The following LRAT variants were observed in gnomAD, a reference collection of about 807,000 sequenced individuals.
LRAT encodes the protein lecithin retinol acyltransferase.
LRAT carries 11 observed loss-of-function variants against 14.2 expected under a neutral mutation model. That is an observed-to-expected ratio of 0.78 (90% CI 0.49 to 1.29). The LOEUF (loss-of-function observed/expected upper bound fraction) is 1.29. Ranked by LOEUF, LRAT falls within the 50% of genes most tolerant of loss-of-function variation. The pLI is 0.00. For missense variants in LRAT, 274 were observed against 292.4 expected, an observed-to-expected ratio of 0.94 and a Z score of 0.46; for synonymous variants, 144 against 124.8, an observed-to-expected ratio of 1.15 and a Z score of -1.03.
In LRAT at chr4:154,750,977, T is replaced by A. The variant is rs1732978571; in HGVS notation, c.*1841T>A. 6.6e-6 allele frequency: 1 copy of A among 152,240 alleles called. No homozygotes were observed. Among genetic ancestry groups the A allele is most frequent in the Admixed American group, 6.5e-5 (1 of 15,286 alleles). 9.4% of individuals were successfully genotyped at this position (152,240 alleles called of 1,614,324 possible). ...CCCTCATTAAAAGCCAAGGACGTTC[T>A]TAAGATTGGAACTGACATAATTAGT... On this transcript the variant is annotated 3_prime_UTR_variant, in exon 3 of 3. Coordinates refer to ENST00000336356, the MANE Select transcript of LRAT (RefSeq NM_004744.5).
At position 154,752,160 on chromosome 4, in the gene LRAT, C is replaced by T. The variant is rs1733010564; in HGVS notation, c.*3024C>T. The T allele has an allele frequency of 6.6e-6, 1 of 152,170 alleles. No individual in the cohort carries two copies. Among genetic ancestry groups the T allele is most frequent in the Non-Finnish European group, 1.5e-5 (1 of 68,036 alleles). The allele number at this position is 152,170 out of a possible 1,614,324, so 9.4% of individuals were successfully genotyped here. Reference sequence around the variant, plus strand: ...CTGACTGAAGGAACAGAAAGTGAGACAGACAGATATGACCAAATTTATACA... The same window carrying T: ...CTGACTGAAGGAACAGAAAGTGAGATAGACAGATATGACCAAATTTATACA... On this transcript the variant is annotated 3_prime_UTR_variant, in exon 3 of 3. Coordinates refer to ENST00000336356, the MANE Select transcript of LRAT (RefSeq NM_004744.5).
intron 2 of LRAT, 65 bp downstream of exon 2, chr4:154,744,931 T>G: frequency 6.5e-7 from 1 of 1,533,022 alleles, no homozygotes; most frequent in Non-Finnish European, 9.0e-7. Context: ...CCCTGACCTT[T>G]TCTCTTCCCC....
In LRAT at chr4:154,744,844, C is replaced by T. The variant is rs1448665709; in HGVS notation, c.518C>T (p.Pro173Leu). 5.6e-6 allele frequency: 9 copies of T among 1,613,432 alleles called. No individual in the cohort carries two copies. Among genetic ancestry groups the T allele is most frequent in the Non-Finnish European group, 7.6e-6 (9 of 1,179,992 alleles). Reference protein sequence around the residue: ...HFVTYCRYGTPISPQSDKFCE... With the variant: ...HFVTYCRYGTLISPQSDKFCE... ...GTGACCTACTGCAGATATGGCACCC[C>T]GATCAGTCCCCAGTCCGACAAGGTA... Residue 173 changes from proline to leucine, a missense_variant, in exon 2 of 3, where the codon CCG becomes CTG. Coordinates refer to ENST00000336356, the MANE Select transcript of LRAT (RefSeq NM_004744.5).
Position 154,750,379 on chromosome 4 carries a change from A to G in LRAT, c.*1243A>G, listed in dbSNP as rs1195103434. ...TAAGAATTGAGATATAACAATGGTAAAACAAGCATTCAAGCACTTTTACAA... is the reference window on the plus strand; with the variant it reads ...TAAGAATTGAGATATAACAATGGTAGAACAAGCATTCAAGCACTTTTACAA... On this transcript the variant is annotated 3_prime_UTR_variant, in exon 3 of 3. Coordinates refer to ENST00000336356, the MANE Select transcript of LRAT (RefSeq NM_004744.5). 6.6e-6 allele frequency: 1 copy of G among 152,184 alleles called. No homozygotes were observed. The highest frequency in any genetic ancestry group is 2.4e-5 in the African/African-American group (1 of 41,454). 9.4% of individuals were successfully genotyped at this position (152,184 alleles called of 1,614,324 possible).
chr4:154,743,214 G>C (rs928932176), upstream of LRAT, among the ~76,000 whole-genome samples: 1 of 151,210 alleles, frequency 6.6e-6, no homozygotes, highest in Non-Finnish European at 1.5e-5. Context: ...GGCTGGGCGC[G>C]GTGGCTCACG....
rs17031981 is a variant in LRAT at position 154,744,668 on chromosome 4, G to C, written c.342G>C (p.Glu114Asp). The change falls in exon 2 of 3, where the codon GAG becomes GAC. Residue 114 changes from glutamate to aspartate, a missense_variant. Transcript: ENST00000336356. ...KVASIRVDTV[E>D]DFAYGANILV... The stretch of plus-strand genomic sequence containing the variant: ...CCAGCATCCGCGTGGACACAGTGGA[G>C]GACTTCGCCTACGGAGCTAACATCC... 3 of 1,614,022 alleles carry C rather than the reference G, an allele frequency of 1.9e-6. No homozygotes were observed. The highest frequency in any genetic ancestry group is 1.7e-6 in the Non-Finnish European group (2 of 1,180,042).
At chr4:154,743,994 A>C, upstream of LRAT, 1 of 310,870 alleles carries the variant, frequency 3.2e-6, no homozygotes, top group Non-Finnish European at 6.1e-6. Flanking sequence ...CGAAGCCTGC[A>C]CCTCCGAGCA....
intron 2 of LRAT, 114 bp downstream of exon 2, chr4:154,744,980 C>A: frequency 9.2e-6 from 7 of 760,944 alleles, no homozygotes; most frequent in Non-Finnish European, 1.6e-5. Context: ...TCCCCTACCA[C>A]TTCCATACCA....
rs144754979 is a variant in LRAT, at chr4:154,749,054, C to T, written c.611C>T (p.Ala204Val). 284 of 1,613,596 alleles carry T rather than the reference C, an allele frequency of 1.8e-4. 1 individual carries two copies. The African/African-American group carries it at 2.8e-3, about 16-fold the overall frequency. Residue 204 changes from alanine (A) to valine (V), a missense_variant, in exon 3 of 3, where the codon GCG becomes GTG. Transcript: ENST00000336356. ...SVLASAVLGLASIVCTGLVSY... is the reference protein window; with the variant it reads ...SVLASAVLGLVSIVCTGLVSY... ...CTTGCTTCAGCAGTCTTGGGATTGG[C>T]GTCTATAGTCTGTACGGGCTTGGTA...
In LRAT at chr4:154,749,868, A is replaced by C. The variant is rs1350666948; in HGVS notation, c.*732A>C. On this transcript the variant is annotated 3_prime_UTR_variant, in exon 3 of 3. Transcript: ENST00000336356. The stretch of plus-strand genomic sequence containing the variant: ...TTTTATGTGCCACTGTGGCTACTTT[A>C]AATCACTCTGAGAGGTAAATGGATA... 1 of 152,296 alleles carries C rather than the reference A, an allele frequency of 6.6e-6. No homozygotes were observed. Among genetic ancestry groups the C allele is most frequent in the Non-Finnish European group, 1.5e-5 (1 of 68,122 alleles). 9.4% of individuals were successfully genotyped at this position (152,296 alleles called of 1,614,324 possible).
chr4:154,752,670 T>G lies in LRAT; in HGVS notation c.*3534T>G, dbSNP rs1050780814. 1 of 152,196 alleles carries G rather than the reference T, an allele frequency of 6.6e-6. No individual in the cohort carries two copies. Among genetic ancestry groups the G allele is most frequent in the African/African-American group, 2.4e-5 (1 of 41,456 alleles). The allele number at this position is 152,196 out of a possible 1,614,324, so 9.4% of individuals were successfully genotyped here. A position where few individuals can be genotyped will look rare whatever the true frequency, so the allele number is the denominator to read the frequency against. ...CAGACTTTAGCAAAATCCTTTTATT[T>G]GATTCATGCATAACTCCTGATGGAG... On this transcript the variant is annotated 3_prime_UTR_variant, in exon 3 of 3. Coordinates refer to ENST00000336356, the MANE Select transcript of LRAT (RefSeq NM_004744.5).
At chr4:154,747,128 C>T (rs933517120) in intron 2 of LRAT, among the ~76,000 whole-genome samples, 1 of 152,016 alleles carries the variant, frequency 6.6e-6, no homozygotes, top group South Asian at 2.1e-4. Context: ...ACAAAGTTGC[C>T]TCTTACTTAA....
In LRAT at chr4:154,744,054, G is replaced by T. The variant is rs899108738; in HGVS notation, c.-170G>T. ...CGGCCCCCAGGTGCGCTCCTTCTCC[G>T]GCTGCTTGTAGCACTGGTCTCACTG... On this transcript the variant is annotated 5_prime_UTR_variant, in exon 1 of 3. Transcript: ENST00000336356. 54 of 505,102 alleles carry T rather than the reference G, an allele frequency of 1.1e-4. No homozygotes were observed. The highest frequency in any genetic ancestry group is 9.1e-4 in the African/African-American group (47 of 51,816). 31.3% of individuals were successfully genotyped at this position (505,102 alleles called of 1,614,324 possible).
At position 154,749,297 on chromosome 4, in the gene LRAT, C is replaced by A; in HGVS notation, c.*161C>A. 1.3e-6 allele frequency: 1 copy of A among 775,728 alleles called. No individual in the cohort carries two copies. 48.1% of individuals were successfully genotyped at this position (775,728 alleles called of 1,614,324 possible). On this transcript the variant is annotated 3_prime_UTR_variant, in exon 3 of 3. Coordinates refer to ENST00000336356, the MANE Select transcript of LRAT (RefSeq NM_004744.5). ...CACGCAAAGTGCTTACTGTGTAAGCCCAAGAACAAAGGCTTTCTGAATCTT... is the reference window on the plus strand; with the variant it reads ...CACGCAAAGTGCTTACTGTGTAAGCACAAGAACAAAGGCTTTCTGAATCTT...
rs1732983746 is a variant in LRAT at position 154,751,264 on chromosome 4, T to C, written c.*2128T>C. 6.6e-6 allele frequency: 1 copy of C among 152,244 alleles called. No individual in the cohort carries two copies. Among genetic ancestry groups the C allele is most frequent in the East Asian group, 1.9e-4 (1 of 5,202 alleles). 9.4% of individuals were successfully genotyped at this position (152,244 alleles called of 1,614,324 possible). A position where few individuals can be genotyped will look rare whatever the true frequency, so the allele number is the denominator to read the frequency against. On this transcript the variant is annotated 3_prime_UTR_variant, in exon 3 of 3. Transcript: ENST00000336356. ...GTGTGAGGTGATCTTATCACACTGA[T>C]GTGTTCAACTGTTTATGGGAAAAGG...
Position 154,752,612 on chromosome 4 carries a change from G to C in LRAT, c.*3476G>C. On this transcript the variant is annotated 3_prime_UTR_variant, in exon 3 of 3. Coordinates refer to ENST00000336356, the MANE Select transcript of LRAT (RefSeq NM_004744.5). ...AAAAAAAAAGGATCTGTATTCGTGAGAGTAGAGAGAAAGGTTGTTTAGGAA... is the reference window on the plus strand; with the variant it reads ...AAAAAAAAAGGATCTGTATTCGTGACAGTAGAGAGAAAGGTTGTTTAGGAA... 1 of 152,194 alleles carries C rather than the reference G, an allele frequency of 6.6e-6. No homozygotes were observed. The highest frequency in any genetic ancestry group is 1.5e-5 in the Non-Finnish European group (1 of 68,034). 9.4% of individuals were successfully genotyped at this position (152,194 alleles called of 1,614,324 possible).
Position 154,751,529 on chromosome 4 carries a change from G to C in LRAT, c.*2393G>C, listed in dbSNP as rs984015805. Reference sequence around the variant, plus strand: ...AGGAGGGAGGATCACAAGGTCAGGAGATCGAGACCATCCTGGCTAACACGG... The same window carrying C: ...AGGAGGGAGGATCACAAGGTCAGGACATCGAGACCATCCTGGCTAACACGG... On this transcript the variant is annotated 3_prime_UTR_variant, in exon 3 of 3. Transcript: ENST00000336356. 1 of 152,186 alleles carries C rather than the reference G, an allele frequency of 6.6e-6. No homozygotes were observed. The highest frequency in any genetic ancestry group is 6.5e-5 in the Admixed American group (1 of 15,270). The allele number at this position is 152,186 out of a possible 1,614,324, so 9.4% of individuals were successfully genotyped here.
At position 154,750,981 on chromosome 4, in the gene LRAT, G is replaced by C. The variant is rs1732978678; in HGVS notation, c.*1845G>C. The C allele has an allele frequency of 6.6e-6, 1 of 152,242 alleles. No individual in the cohort carries two copies. Among genetic ancestry groups the C allele is most frequent in the Admixed American group, 6.5e-5 (1 of 15,284 alleles). 9.4% of individuals were successfully genotyped at this position (152,242 alleles called of 1,614,324 possible). On this transcript the variant is annotated 3_prime_UTR_variant, in exon 3 of 3. Coordinates refer to ENST00000336356, the MANE Select transcript of LRAT (RefSeq NM_004744.5). The stretch of plus-strand genomic sequence containing the variant: ...CATTAAAAGCCAAGGACGTTCTTAA[G>C]ATTGGAACTGACATAATTAGTCTTG...
At position 154,744,123 on chromosome 4, in the gene LRAT, T is replaced by C. The variant is rs1277934610; in HGVS notation, c.-101T>C. The C allele has an allele frequency of 6.6e-6, 4 of 603,056 alleles. No homozygotes were observed. The highest frequency in any genetic ancestry group is 5.7e-5 in the South Asian group (3 of 52,588). 37.4% of individuals were successfully genotyped at this position (603,056 alleles called of 1,614,324 possible). On this transcript the variant is annotated 5_prime_UTR_variant, in exon 1 of 3. Coordinates refer to ENST00000336356, the MANE Select transcript of LRAT (RefSeq NM_004744.5). ...GGTTCCTTATCCGTCTCATTCCCCA[T>C]TGTGGCTTGGCTGAGCCGGTCGCCA...
Sources: gnomAD v4.1 joint callset for allele counts (sites outside exome capture counted in the v4.1 genomes callset) on GRCh38, gnomAD v4.1.1 for gene constraint, MANE v1.5 for transcripts, NCBI Gene and HGNC (gene_info 2026-07-23, HGNC 2026-07-21) for gene names.